The following CPSF6 variants were observed in gnomAD, a reference collection of about 807,000 sequenced individuals.
CPSF6 encodes the protein cleavage and polyadenylation specificity factor subunit 6.
Under a neutral mutation model 56.7 loss-of-function variants are expected in CPSF6, and 10 were observed. The ratio of observed to expected loss-of-function variants is 0.18; its 90% CI spans 0.11 to 0.30. The LOEUF is 0.30. Ranked by LOEUF, CPSF6 falls within the 10% of genes least tolerant of loss-of-function variation. CPSF6 has a pLI of 1.00. For synonymous variants in CPSF6, 248 were observed against 244.8 expected, an observed-to-expected ratio of 1.01 and a Z score of -0.12; for missense variants, 419 against 722.9, an observed-to-expected ratio of 0.58 and a Z score of 4.82.
At chr12:69,256,127 A>ACCT (rs1358660863) in intron 3 of CPSF6, among the ~76,000 whole-genome samples, 4 of 152,098 alleles carry the variant, frequency 2.6e-5, no homozygotes, top group Non-Finnish European at 5.9e-5. Flanking sequence ...GTCACAAGGG[A>ACCT]CCTCCTATTG....
chr12:69,246,450 G>A (rs1189387782), intron 1 of CPSF6, among the ~76,000 whole-genome samples: 8 of 152,168 alleles, frequency 5.3e-5, no homozygotes, highest in Non-Finnish European at 1.0e-4. Context: ...ATTTATGGGT[G>A]CAGTTAATTT....
In CPSF6 at chr12:69,258,187, T is replaced by G. The variant is rs1872588962; in HGVS notation, c.694+282T>G. ...AAACTTGCTTGACTTATATATAGAA[T>G]ATTTACATCCGTCTTACTTTCTTAC... is the stretch of plus-strand genomic sequence containing the variant. On this transcript the variant is annotated intron_variant, in intron 5 of 9. Coordinates refer to ENST00000435070, the MANE Select transcript of CPSF6 (RefSeq NM_007007.3). This position sits in a 1 kb window ranked among gnomAD's most constrained non-coding sequence, Gnocchi z 4.2. 9.4e-7 allele frequency: 1 copy of G among 1,060,368 alleles called. No homozygotes were observed. 65.7% of individuals were successfully genotyped at this position (1,060,368 alleles called of 1,614,324 possible).
intron 9 of CPSF6, among the ~76,000 whole-genome samples, chr12:69,265,600 T>C (rs1872939928): frequency 1.4e-4 from 2 of 14,034 alleles, no homozygotes; most frequent in Non-Finnish European, 3.2e-4. Flanking sequence ...TCTGATTACT[T>C]TTTTTTTTTT....
chr12:69,259,105 G>T lies in CPSF6; in HGVS notation c.1199+11G>T. On this transcript the variant is annotated intron_variant, in intron 6 of 9. Coordinates refer to ENST00000435070, the MANE Select transcript of CPSF6 (RefSeq NM_007007.3). ...TGGCCCCCCTGGAAGGTAAGTTAGT[G>T]TGTATCTGTGAAAGTACTTGATGAT... The T allele has an allele frequency of 1.3e-6, 2 of 1,590,400 alleles. No homozygotes were observed. Among genetic ancestry groups the T allele is most frequent in the Non-Finnish European group, 8.5e-7 (1 of 1,174,206 alleles).
At chr12:69,268,109 C>G (rs2120645322) in intron 9 of CPSF6, among the ~76,000 whole-genome samples, 1 of 151,832 alleles carries the variant, frequency 6.6e-6, no homozygotes, top group South Asian at 2.1e-4. Flanking sequence ...AGAACATATG[C>G]CTTGTCTCTC....
intron 1 of CPSF6, among the ~76,000 whole-genome samples, chr12:69,250,140 C>A (rs1365035501): frequency 6.6e-6 from 1 of 151,890 alleles, no homozygotes; most frequent in Non-Finnish European, 1.5e-5. Flanking sequence ...ACCCATATTT[C>A]TTCTTTCTTT....
intron 9 of CPSF6, among the ~76,000 whole-genome samples, chr12:69,267,017 A>C (rs1312261730): frequency 2.0e-5 from 3 of 152,070 alleles, no homozygotes; most frequent in Admixed American, 6.5e-5. Context: ...TCATATGTAG[A>C]TAATTATTTC....
At chr12:69,250,166 T>G (rs1872156658) in intron 1 of CPSF6, among the ~76,000 whole-genome samples, 1 of 152,194 alleles carries the variant, frequency 6.6e-6, no homozygotes, top group Non-Finnish European at 1.5e-5. Flanking sequence ...CTCAGCTCAC[T>G]ATGCTTTTTT....
rs572108669 is a variant in CPSF6 at position 69,270,941 on chromosome 12, G to A, written c.*1433G>A. On this transcript the variant is annotated 3_prime_UTR_variant, in exon 10 of 10. Coordinates refer to ENST00000435070, the MANE Select transcript of CPSF6 (RefSeq NM_007007.3). Reference sequence around the variant, plus strand: ...GAGAGATCTTCTGTTAATACACATTGGTTGTTAAAGAGTACCCAAATTCTA... The same window carrying A: ...GAGAGATCTTCTGTTAATACACATTAGTTGTTAAAGAGTACCCAAATTCTA... 6.6e-6 allele frequency: 1 copy of A among 151,634 alleles called. No individual in the cohort carries two copies. Among genetic ancestry groups the A allele is most frequent in the African/African-American group, 2.4e-5 (1 of 41,396 alleles). 9.4% of individuals were successfully genotyped at this position (151,634 alleles called of 1,614,324 possible).
chr12:69,251,490 C>T, intron 2 of CPSF6, 152 bp downstream of exon 2: 1 of 524,192 alleles, frequency 1.9e-6, no homozygotes, highest in Non-Finnish European at 3.3e-6. Context: ...ATACAAATAT[C>T]TTTGCAACAT....
chr12:69,252,560 G>A (rs968391334), intron 2 of CPSF6, among the ~76,000 whole-genome samples: 5 of 152,122 alleles, frequency 3.3e-5, no homozygotes, highest in African/African-American at 1.2e-4. Context: ...AACTTCTATT[G>A]TATCATGTGT....
At chr12:69,266,356 A>C (rs1465558525) in intron 9 of CPSF6, among the ~76,000 whole-genome samples, 1 of 152,144 alleles carries the variant, frequency 6.6e-6, no homozygotes, top group African/African-American at 2.4e-5. Flanking sequence ...CAGCTGACTT[A>C]ATTGAAGTTA....
chr12:69,250,985 T>C (rs1015428342), intron 1 of CPSF6, 144 bp from the exon 2 acceptor site: 32 of 791,320 alleles, frequency 4.0e-5, no homozygotes, highest in Non-Finnish European at 4.9e-5. Context: ...ATACATCTAT[T>C]GCATAAAGTG....
intron 3 of CPSF6, among the ~76,000 whole-genome samples, chr12:69,254,520 CTGATA>C (rs1872413984): frequency 6.6e-6 from 1 of 152,156 alleles, no homozygotes; most frequent in South Asian, 2.1e-4. Context: ...TATTTCTGCT[CTGATA>C]TATTTTACTC....
At chr12:69,263,055 G>A (rs1872815468) in intron 9 of CPSF6, among the ~76,000 whole-genome samples, 1 of 150,070 alleles carries the variant, frequency 6.7e-6, no homozygotes. Flanking sequence ...ACAGGAGGGT[G>A]TTTTCTCAAC....
At chr12:69,267,822 G>A (rs1873065020) in intron 9 of CPSF6, among the ~76,000 whole-genome samples, 1 of 151,790 alleles carries the variant, frequency 6.6e-6, no homozygotes, top group African/African-American at 2.4e-5. Context: ...AAACAAAAGA[G>A]TGCATTAGTC....
intron 1 of CPSF6, among the ~76,000 whole-genome samples, chr12:69,243,991 G>C (rs570236870): frequency 2.4e-4 from 37 of 152,210 alleles, no homozygotes; most frequent in Middle Eastern, 6.8e-3. Context: ...GTGCCACCAT[G>C]CCTGGCTAAT....
chr12:69,243,848 C>A (rs1871750171), intron 1 of CPSF6, among the ~76,000 whole-genome samples: 2 of 152,162 alleles, frequency 1.3e-5, no homozygotes, highest in South Asian at 4.1e-4. Context: ...AATGTTTTCA[C>A]TTGATTGATT....
intron 1 of CPSF6, among the ~76,000 whole-genome samples, chr12:69,244,581 A>C (rs1871791469): frequency 6.6e-6 from 1 of 151,894 alleles, no homozygotes; most frequent in Non-Finnish European, 1.5e-5. Flanking sequence ...TTATTTTAGA[A>C]GAGACAAGGT....
Sources: allele counts gnomAD v4.1 joint callset (sites outside exome capture counted in the v4.1 genomes callset), GRCh38; gene constraint gnomAD v4.1.1; non-coding constraint Gnocchi (gnomAD v3.1); transcripts MANE v1.5; gene names NCBI Gene and HGNC (gene_info 2026-07-23, HGNC 2026-07-21).